The following PRKN variants were observed in gnomAD, a reference collection of about 807,000 sequenced individuals.
The protein encoded by PRKN is E3 ubiquitin-protein ligase parkin.
PRKN carries 56 observed loss-of-function variants against 59.5 expected under a neutral mutation model. That is an observed-to-expected ratio of 0.94 (90% CI 0.76 to 1.18). PRKN has a LOEUF of 1.18. PRKN is among the 50% of genes most tolerant of loss of function. PRKN has a pLI of 0.00. For synonymous variants in PRKN, 250 were observed against 222.1 expected, an observed-to-expected ratio of 1.13 and a Z score of -1.12; for missense variants, 657 against 596.4, an observed-to-expected ratio of 1.10 and a Z score of -1.06.
intron 8 of PRKN, among the ~76,000 whole-genome samples, chr6:161,563,556 C>T (rs140628871): frequency 0.024 from 3,598 of 152,146 alleles, 60 homozygotes; most frequent in Non-Finnish European, 0.034. Flanking sequence ...TTGAAAGGTG[C>T]TATATGAATA....
chr6:162,549,082 G>A (rs571703869), intron 1 of PRKN, among the ~76,000 whole-genome samples: 2 of 152,110 alleles, frequency 1.3e-5, no homozygotes, highest in South Asian at 2.1e-4. Flanking sequence ...TAGGGCATTC[G>A]GAGGGTTATT....
chr6:162,219,375 G>A (rs1403164407), intron 3 of PRKN, among the ~76,000 whole-genome samples: 4 of 152,112 alleles, frequency 2.6e-5, no homozygotes, highest in African/African-American at 9.7e-5. Flanking sequence ...CACCTGCACT[G>A]TAGCTCTTCC....
At chr6:161,634,314 G>T (rs1289153035) in intron 7 of PRKN, among the ~76,000 whole-genome samples, 1 of 152,342 alleles carries the variant, frequency 6.6e-6, no homozygotes, top group Admixed American at 6.5e-5. Context: ...GCAGGGCAGC[G>T]GGAGGGCCTT....
At position 162,245,267 on chromosome 6, in the gene PRKN, C is replaced by G. The variant is rs376158844; in HGVS notation, c.412+17258G>C. 2.2e-4 allele frequency among the ~76,000 whole-genome samples: 34 copies of G among 152,134 alleles called. No homozygotes were observed. In the East Asian group the frequency reaches 2.3e-3, roughly 10 times the overall value. ...TACAAAGAATTTCTGTCCAGTGGAGCAGACAACCTCAAATATTATGGTTTA... is the reference window on the plus strand; with the variant it reads ...TACAAAGAATTTCTGTCCAGTGGAGGAGACAACCTCAAATATTATGGTTTA... On this transcript the variant is annotated intron_variant, in intron 3 of 11. Coordinates refer to ENST00000366898, the MANE Select transcript of PRKN (RefSeq NM_004562.3).
At chr6:162,602,891 T>C (rs1209275070) in intron 1 of PRKN, among the ~76,000 whole-genome samples, 2 of 152,166 alleles carry the variant, frequency 1.3e-5, no homozygotes, top group African/African-American at 4.8e-5. Flanking sequence ...GGCTTGGCGA[T>C]GCAGAAAGTA....
intron 1 of PRKN, among the ~76,000 whole-genome samples, chr6:162,607,260 A>C (rs1781959244): frequency 6.6e-6 from 1 of 152,138 alleles, no homozygotes; most frequent in African/African-American, 2.4e-5. Context: ...CCATCTAGTG[A>C]GCTTCCAAAA....
intron 1 of PRKN, among the ~76,000 whole-genome samples, chr6:162,636,314 C>A (rs1195369557): frequency 4.0e-5 from 6 of 151,866 alleles, no homozygotes; most frequent in Non-Finnish European, 7.4e-5. Flanking sequence ...AAATAAATAG[C>A]ACCAAATGTT....
intron 6 of PRKN, among the ~76,000 whole-genome samples, chr6:161,830,241 G>GT (rs1005464639): frequency 2.2e-4 from 33 of 149,562 alleles, no homozygotes; most frequent in South Asian, 1.9e-3. Context: ...GGTTACCTTT[G>GT]TTTTTTTTGT....
rs78347740 is a variant in PRKN, at chr6:161,569,710, C to T, written c.872-294G>A. On this transcript the variant is annotated intron_variant, in intron 7 of 11. Transcript: ENST00000366898. The stretch of plus-strand genomic sequence containing the variant: ...CTTAGGATGTCATGCCACTCTGGTT[C>T]TTAGAAACATGTTCAGCATGTCACT... Among the ~76,000 whole-genome samples the T allele has an allele frequency of 4.6e-3, 707 of 152,304 alleles. 7 individuals carry two copies. The highest frequency in any genetic ancestry group is 0.037 in the Middle Eastern group (11 of 294).
At position 161,448,188 on chromosome 6, in the gene PRKN, C is replaced by G. The variant is rs752833607; in HGVS notation, c.1084-61311G>C. 1.9e-4 allele frequency among the ~76,000 whole-genome samples: 29 copies of G among 152,196 alleles called. No individual in the cohort carries two copies. The highest frequency in any genetic ancestry group is 7.0e-4 in the African/African-American group (29 of 41,458). ...CCCTTTTGCCTCCATAAAAGATCTT[C>G]ACTTTTCCCCACACCGTAATATTTC... On this transcript the variant is annotated intron_variant, in intron 9 of 11. Transcript: ENST00000366898. This position sits in a 1 kb window ranked among gnomAD's most constrained non-coding sequence, Gnocchi z 5.1.
intron 4 of PRKN, among the ~76,000 whole-genome samples, chr6:162,090,180 G>A (rs562211670): frequency 2.0e-5 from 3 of 152,172 alleles, no homozygotes; most frequent in Admixed American, 6.5e-5. Flanking sequence ...GTGTGTGTGT[G>A]TATCAGATCA....
intron 7 of PRKN, among the ~76,000 whole-genome samples, chr6:161,637,096 T>C (rs979489613): frequency 6.6e-6 from 1 of 152,190 alleles, no homozygotes; most frequent in Non-Finnish European, 1.5e-5. Flanking sequence ...TCCCTGTTGG[T>C]GGAAGAGGTA....
intron 5 of PRKN, among the ~76,000 whole-genome samples, chr6:161,981,887 C>T (rs78376301): frequency 0.015 from 2,218 of 152,264 alleles, 59 homozygotes; most frequent in African/African-American, 0.051. Context: ...TGTTTTCTCT[C>T]AAGATGTCAA....
rs139307367 is a variant in PRKN, at chr6:161,429,913, G to A, written c.1084-43036C>T. On this transcript the variant is annotated intron_variant, in intron 9 of 11. Coordinates refer to ENST00000366898, the MANE Select transcript of PRKN (RefSeq NM_004562.3). This position sits in a 1 kb window ranked among gnomAD's most constrained non-coding sequence, Gnocchi z 4.2. ...AACAAGTTAGTCTGCTCAGTTTTAC[G>A]GAGGCCAGGAGAAGACCAGAGGTTC... Among the ~76,000 whole-genome samples, 73 of 152,240 alleles carry A rather than the reference G, an allele frequency of 4.8e-4. 2 individuals carry two copies. The highest frequency in any genetic ancestry group is 1.4e-3 in the African/African-American group (60 of 41,518).
At chr6:161,689,334 C>T (rs1324623354) in intron 7 of PRKN, among the ~76,000 whole-genome samples, 8 of 152,122 alleles carry the variant, frequency 5.3e-5, no homozygotes, top group African/African-American at 1.9e-4. Flanking sequence ...TATGCCACCT[C>T]GTTCTATTGC....
intron 7 of PRKN, among the ~76,000 whole-genome samples, chr6:161,670,404 G>A (rs937198608): frequency 2.0e-5 from 3 of 152,110 alleles, no homozygotes; most frequent in East Asian, 1.9e-4. Flanking sequence ...TTGTGGTTTC[G>A]GGTGGCTGCC....
chr6:162,108,044 A>C (rs1412687757), intron 4 of PRKN, among the ~76,000 whole-genome samples: 2 of 152,176 alleles, frequency 1.3e-5, no homozygotes, highest in Non-Finnish European at 2.9e-5. Flanking sequence ...ATGCATTTTT[A>C]TCTGTTCATT....
At chr6:161,911,976 G>T (rs560635317) in intron 6 of PRKN, among the ~76,000 whole-genome samples, 2 of 152,016 alleles carry the variant, frequency 1.3e-5, no homozygotes, top group Admixed American at 1.3e-4. Flanking sequence ...TCAGGAGTTC[G>T]TGACCAGCCT....
intron 1 of PRKN, among the ~76,000 whole-genome samples, chr6:162,598,804 C>T (rs935103874): frequency 1.4e-5 from 2 of 138,754 alleles, no homozygotes; most frequent in African/African-American, 5.4e-5. Context: ...AGTGAGCTGA[C>T]ATCACGCCAC....
Sources: allele counts gnomAD v4.1 joint callset (sites outside exome capture counted in the v4.1 genomes callset), GRCh38; gene constraint gnomAD v4.1.1; non-coding constraint Gnocchi (gnomAD v3.1); transcripts MANE v1.5; gene names NCBI Gene and HGNC (gene_info 2026-07-23, HGNC 2026-07-21).